Variants in EPHB1 observed in about 807,000 individuals in gnomAD.
The protein encoded by EPHB1 is ephrin type-B receptor 1.
EPHB1 carries 30 observed loss-of-function variants against 94.4 expected under a neutral mutation model. That is an observed-to-expected ratio of 0.32 (90% CI 0.24 to 0.43). The LOEUF (loss-of-function observed/expected upper bound fraction) is 0.43. Ranked by LOEUF, EPHB1 falls within the 20% of genes least tolerant of loss-of-function variation. The pLI, the probability that EPHB1 is intolerant of heterozygous loss-of-function variation, is 1.00. For missense variants in EPHB1, 1,055 were observed against 1,308.3 expected, an observed-to-expected ratio of 0.81 and a Z score of 2.99; for synonymous variants, 522 against 489.1, an observed-to-expected ratio of 1.07 and a Z score of -0.89.
intron 2 of EPHB1, among the ~76,000 whole-genome samples, chr3:134,929,340 G>A (rs1456151143): frequency 1.3e-5 from 2 of 152,170 alleles, no homozygotes; most frequent in East Asian, 1.9e-4. Flanking sequence ...TGTTGAGAGG[G>A]CACAAAAGGA....
intron 1 of EPHB1, among the ~76,000 whole-genome samples, chr3:134,819,749 TC>T (rs540631653): frequency 6.6e-6 from 1 of 152,116 alleles, no homozygotes; most frequent in Non-Finnish European, 1.5e-5. Context: ...TGCCCTTGGA[TC>T]TTGTGTTCCC....
chr3:134,857,607 G>C (rs2037151270), intron 1 of EPHB1, among the ~76,000 whole-genome samples: 1 of 151,996 alleles, frequency 6.6e-6, no homozygotes. Context: ...GGGTGAAGGT[G>C]GTTACTCACG....
At chr3:135,042,833 A>ATTTATTT (rs145102224) in intron 3 of EPHB1, among the ~76,000 whole-genome samples, 1 of 152,060 alleles carries the variant, frequency 6.6e-6, no homozygotes, top group East Asian at 1.9e-4. Context: ...GTATGTATTT[A>ATTTATTT]TTTATTTTTT....
intron 3 of EPHB1, among the ~76,000 whole-genome samples, chr3:135,021,235 C>G (rs2107754392): frequency 6.6e-6 from 1 of 152,254 alleles, no homozygotes; most frequent in African/African-American, 2.4e-5. Flanking sequence ...TTTTCCCCAC[C>G]AGTAAACAGC....
chr3:134,824,271 C>T (rs1006367693), intron 1 of EPHB1, among the ~76,000 whole-genome samples: 4 of 151,334 alleles, frequency 2.6e-5, no homozygotes, highest in Non-Finnish European at 4.4e-5. Context: ...CGGAGCCAGT[C>T]GGGGGTGAAG....
At chr3:135,113,840 AT>A (rs778751362) in intron 4 of EPHB1, among the ~76,000 whole-genome samples, 9 of 152,244 alleles carry the variant, frequency 5.9e-5, no homozygotes, top group Admixed American at 4.6e-4. Context: ...CCCCTCTGCC[AT>A]TTGTCCAGGC....
At chr3:135,238,091 A>G (rs1451710229) in intron 12 of EPHB1, among the ~76,000 whole-genome samples, 1 of 152,252 alleles carries the variant, frequency 6.6e-6, no homozygotes, top group Non-Finnish European at 1.5e-5. Context: ...GATTATATCA[A>G]TAATCATCAC....
intron 4 of EPHB1, among the ~76,000 whole-genome samples, chr3:135,110,443 G>C (rs1393146598): frequency 6.6e-6 from 1 of 152,194 alleles, no homozygotes; most frequent in Non-Finnish European, 1.5e-5. Flanking sequence ...CTGCCACTGA[G>C]AGGCAGGGAA....
At chr3:135,077,119 A>C (rs1559820565) in intron 3 of EPHB1, among the ~76,000 whole-genome samples, 2 of 152,146 alleles carry the variant, frequency 1.3e-5, no homozygotes, top group Non-Finnish European at 2.9e-5. Flanking sequence ...CTTAAGATAA[A>C]AAAGAAAGAA....
chr3:135,175,754 T>C (rs1272201471), intron 9 of EPHB1, among the ~76,000 whole-genome samples: 1 of 152,196 alleles, frequency 6.6e-6, no homozygotes, highest in African/African-American at 2.4e-5. Context: ...TATAGGTATA[T>C]ATTACATCTG....
chr3:134,835,612 C>A (rs1318101464), intron 1 of EPHB1, among the ~76,000 whole-genome samples: 1 of 152,184 alleles, frequency 6.6e-6, no homozygotes, highest in East Asian at 1.9e-4. Context: ...AAGATTCCAG[C>A]CCAGAGCAGT....
chr3:134,906,058 G>A (rs958452508), intron 1 of EPHB1, among the ~76,000 whole-genome samples: 6 of 152,162 alleles, frequency 3.9e-5, no homozygotes, highest in African/African-American at 4.8e-5. Context: ...ATGGTGATGC[G>A]ATCCCATTGA....
chr3:135,198,866 G>C (rs1373585967), intron 11 of EPHB1, among the ~76,000 whole-genome samples: 1 of 152,184 alleles, frequency 6.6e-6, no homozygotes, highest in Non-Finnish European at 1.5e-5. Context: ...TGCTCTGGAG[G>C]TTAAATAACT....
chr3:135,081,086 A>T (rs1938147314), intron 3 of EPHB1, among the ~76,000 whole-genome samples: 1 of 152,222 alleles, frequency 6.6e-6, no homozygotes, highest in Admixed American at 6.5e-5. Flanking sequence ...ACACGAGGAG[A>T]ATCAGGTGAA....
At chr3:134,918,337 A>G (rs1300440164) in intron 1 of EPHB1, among the ~76,000 whole-genome samples, 1 of 152,142 alleles carries the variant, frequency 6.6e-6, no homozygotes, top group African/African-American at 2.4e-5. Context: ...ATCAATTTGG[A>G]AGAGGTGGGT....
chr3:134,994,584 C>G (rs527802914), intron 3 of EPHB1, among the ~76,000 whole-genome samples: 1 of 152,286 alleles, frequency 6.6e-6, no homozygotes, highest in Non-Finnish European at 1.5e-5. Context: ...TTGCATAGCT[C>G]TGTCTTCATT....
intron 1 of EPHB1, among the ~76,000 whole-genome samples, chr3:134,801,237 C>T (rs2035929614): frequency 1.3e-5 from 2 of 152,204 alleles, no homozygotes; most frequent in Admixed American, 1.3e-4. Flanking sequence ...TATTCCCACC[C>T]CTATTGCAGC....
chr3:134,892,562 G>T (rs935992109), intron 1 of EPHB1, among the ~76,000 whole-genome samples: 5 of 152,216 alleles, frequency 3.3e-5, no homozygotes, highest in African/African-American at 1.2e-4. Context: ...GACCCCTCAG[G>T]GGAACAAAGA....
Position 135,060,050 on chromosome 3 carries a change from C to T in EPHB1, c.806-46398C>T, listed in dbSNP as rs116658343. ...ACAGACAATATTGAAATATATTTAA[C>T]GTACTGTAAAATTCACTCTGTAAAT... On this transcript the variant is annotated intron_variant, in intron 3 of 15. Coordinates refer to ENST00000398015, the MANE Select transcript of EPHB1 (RefSeq NM_004441.5). 4.0e-3 allele frequency among the ~76,000 whole-genome samples: 613 copies of T among 152,336 alleles called. 1 individual carries two copies. The highest frequency in any genetic ancestry group is 7.2e-3 in the Non-Finnish European group (489 of 68,038).
Sources: allele counts gnomAD v4.1 joint callset (sites outside exome capture counted in the v4.1 genomes callset), GRCh38; gene constraint gnomAD v4.1.1; transcripts MANE v1.5; gene names NCBI Gene and HGNC (gene_info 2026-07-23, HGNC 2026-07-21).